NKAIN3: variants seen among roughly 807,000 people sequenced by gnomAD.
NKAIN3 encodes the protein sodium/potassium transporting ATPase interacting 3, also known as sodium/potassium-transporting ATPase subunit beta-1-interacting protein 3.
In NKAIN3, 25 loss-of-function variants were observed where a neutral mutation model predicts 30.2. The ratio of observed to expected loss-of-function variants is 0.83; its 90% confidence interval spans 0.60 to 1.16. The LOEUF is 1.16. Among genes scored for constraint, NKAIN3 ranks in the 50% most tolerant of loss-of-function variants. NKAIN3 has a pLI of 0.00. For synonymous variants in NKAIN3, 91 were observed against 89.6 expected (o/e 1.02, Z -0.09); for missense variants, 225 against 254.1 (o/e 0.89, Z 0.78).
chr8:62,611,885 T>C (rs1411046614), intron 3 of NKAIN3, among the ~76,000 whole-genome samples: 1 of 152,114 alleles, frequency 6.6e-6, no homozygotes, highest in Non-Finnish European at 1.5e-5. Flanking sequence ...ATAATGGTTG[T>C]ACTAATTTAC....
rs1024863951 is a variant in NKAIN3 at position 62,835,583 on chromosome 8, T to C, written c.472-82870T>C. Among the ~76,000 whole-genome samples the C allele has an allele frequency of 7.6e-4, 115 of 152,150 alleles. 5 individuals carry two copies. Among genetic ancestry groups the C allele is most frequent in the Middle Eastern group, 3.4e-3 (1 of 294 alleles). On this transcript the variant is annotated intron_variant, in intron 4 of 6. Transcript: ENST00000623646. Reference sequence around the variant, plus strand: ...GACTTAAAAGCGGCCAACAAACATATGAAAAATTGCTCAATATCATTATTC... The same window carrying C: ...GACTTAAAAGCGGCCAACAAACATACGAAAAATTGCTCAATATCATTATTC...
intron 1 of NKAIN3, among the ~76,000 whole-genome samples, chr8:62,506,626 C>A (rs1563431084): frequency 1.3e-5 from 2 of 151,734 alleles, no homozygotes; most frequent in African/African-American, 4.8e-5. Context: ...AGGCACATAC[C>A]ACTACGCCCT....
chr8:62,905,768 C>T (rs1236948773), intron 4 of NKAIN3, among the ~76,000 whole-genome samples: 1 of 152,162 alleles, frequency 6.6e-6, no homozygotes, highest in East Asian at 1.9e-4. Context: ...TCTGGTCAGT[C>T]CTTTTTGGTC....
rs1823917132 is a variant in NKAIN3, at chr8:62,975,285, G to A, written c.*9878G>A. On this transcript the variant is annotated 3_prime_UTR_variant, in exon 7 of 7. Transcript: ENST00000623646. ...GTAGAGTTCAGCTATGAGTCCATCT[G>A]GTCCTGGGCTTTTTTTTTTAGTTGG... is the stretch of plus-strand genomic sequence containing the variant. Among the ~76,000 whole-genome samples, 1 of 152,044 alleles carries A rather than the reference G, an allele frequency of 6.6e-6. No homozygotes were observed. The highest frequency in any genetic ancestry group is 1.9e-4 in the East Asian group (1 of 5,176).
intron 6 of NKAIN3, among the ~76,000 whole-genome samples, chr8:62,956,590 TA>T (rs1453438306): frequency 1.3e-5 from 2 of 152,170 alleles, no homozygotes; most frequent in Non-Finnish European, 2.9e-5. Context: ...GGGGTTGGGA[TA>T]GGGGTAAGGT....
chr8:62,673,114 G>A (rs541684879), intron 3 of NKAIN3, among the ~76,000 whole-genome samples: 2 of 152,266 alleles, frequency 1.3e-5, no homozygotes, highest in East Asian at 3.9e-4. Context: ...ATGATGAGGT[G>A]GGATTCAACT....
At chr8:62,740,713 A>G (rs1307170927) in intron 3 of NKAIN3, among the ~76,000 whole-genome samples, 4 of 152,136 alleles carry the variant, frequency 2.6e-5, no homozygotes, top group Admixed American at 1.3e-4. Flanking sequence ...GTGTGCAGGC[A>G]TATGCACATA....
chr8:62,456,165 G>A (rs933562402), intron 1 of NKAIN3, among the ~76,000 whole-genome samples: 1 of 152,144 alleles, frequency 6.6e-6, no homozygotes, highest in African/African-American at 2.4e-5. Context: ...TTGGCCACGA[G>A]TAACTAAAAC....
At chr8:62,471,385 T>C (rs191951195) in intron 1 of NKAIN3, among the ~76,000 whole-genome samples, 251 of 152,318 alleles carry the variant, frequency 1.6e-3, no homozygotes, top group African/African-American at 5.8e-3. Context: ...ATAGATGCTG[T>C]ATTTTTCCTA....
intron 3 of NKAIN3, among the ~76,000 whole-genome samples, chr8:62,724,666 A>G (rs950992875): frequency 6.6e-6 from 1 of 152,112 alleles, no homozygotes; most frequent in Non-Finnish European, 1.5e-5. Context: ...TTTTTTTAAC[A>G]TAATGACTTC....
chr8:62,490,789 T>C (rs1264397277), intron 1 of NKAIN3, among the ~76,000 whole-genome samples: 1 of 151,714 alleles, frequency 6.6e-6, no homozygotes, highest in Non-Finnish European at 1.5e-5. Context: ...GAATAAGGGC[T>C]TTGAAATAAA....
chr8:62,752,818 A>T (rs1816329251), intron 4 of NKAIN3, among the ~76,000 whole-genome samples: 1 of 152,104 alleles, frequency 6.6e-6, no homozygotes, highest in Non-Finnish European at 1.5e-5. Context: ...AATTTTTTTT[A>T]ATTGGAAGTA....
rs184708077 is a variant in NKAIN3, at chr8:62,777,479, A to G, written c.471+30350A>G. Among the ~76,000 whole-genome samples, 6 of 152,280 alleles carry G rather than the reference A, an allele frequency of 3.9e-5. No individual in the cohort carries two copies. In the East Asian group the frequency reaches 1.2e-3, roughly 29 times the overall value. The stretch of plus-strand genomic sequence containing the variant: ...TTCTGCTTTATCAATTCTGCAAGTA[A>G]GAGAGTCTGATGCATTCATCCATAT... On this transcript the variant is annotated intron_variant, in intron 4 of 6. Transcript: ENST00000623646.
intron 1 of NKAIN3, among the ~76,000 whole-genome samples, chr8:62,281,096 G>A (rs954943745): frequency 1.3e-5 from 2 of 152,134 alleles, no homozygotes; most frequent in Non-Finnish European, 1.5e-5. Flanking sequence ...TCCTGGTTTA[G>A]TCTTGGGAGG....
chr8:62,443,257 A>G (rs1329124058), intron 1 of NKAIN3, among the ~76,000 whole-genome samples: 1 of 152,094 alleles, frequency 6.6e-6, no homozygotes, highest in African/African-American at 2.4e-5. Flanking sequence ...TTTCAAGTAT[A>G]GATAGACTCA....
At chr8:62,517,246 C>T (rs1402295831) in intron 1 of NKAIN3, among the ~76,000 whole-genome samples, 1 of 151,972 alleles carries the variant, frequency 6.6e-6, no homozygotes, top group African/African-American at 2.4e-5. Context: ...TTAAAATAAA[C>T]TTGCCCTTAA....
At chr8:62,593,853 A>T (rs758209630) in intron 3 of NKAIN3, among the ~76,000 whole-genome samples, 1 of 152,032 alleles carries the variant, frequency 6.6e-6, no homozygotes, top group Non-Finnish European at 1.5e-5. Flanking sequence ...GGCAATAGTT[A>T]AAGTTTAGTC....
chr8:62,471,113 G>A (rs891881362), intron 1 of NKAIN3, among the ~76,000 whole-genome samples: 5 of 152,128 alleles, frequency 3.3e-5, no homozygotes, highest in African/African-American at 1.2e-4. Flanking sequence ...AAAATGTGCA[G>A]TAGGATTGCA....
intron 4 of NKAIN3, among the ~76,000 whole-genome samples, chr8:62,786,617 A>C (rs1817528426): frequency 6.6e-6 from 1 of 152,186 alleles, no homozygotes; most frequent in South Asian, 2.1e-4. Flanking sequence ...TTGTAATTGC[A>C]TTCTGTCAAA....
Sources: allele counts gnomAD v4.1 joint callset (sites outside exome capture counted in the v4.1 genomes callset), GRCh38; gene constraint gnomAD v4.1.1; transcripts MANE v1.5; gene names NCBI Gene and HGNC (gene_info 2026-07-23, HGNC 2026-07-21).